The following USP36 variants were observed in gnomAD, a reference collection of about 807,000 sequenced individuals.
The protein encoded by USP36 is ubiquitin specific peptidase 36, also known as ubiquitin carboxyl-terminal hydrolase 36.
USP36 carries 59 observed loss-of-function variants against 111.5 expected under a neutral mutation model. The observed-to-expected ratio is 0.53, with a 90% CI of 0.43 to 0.66. The LOEUF (loss-of-function observed/expected upper bound fraction) is 0.66, where lower values mean the gene tolerates loss of function less well. Ranked by LOEUF, USP36 falls within the 30% of genes least tolerant of loss-of-function variation. USP36 has a pLI of 0.00. For missense variants in USP36, 1,488 were observed against 1,468.0 expected, an observed-to-expected ratio of 1.01 and a Z score of -0.22; for synonymous variants, 628 against 581.0, an observed-to-expected ratio of 1.08 and a Z score of -1.16.
intron 6 of USP36, chr17:78,823,139 T>C (rs1243862627): frequency 1.8e-5 from 7 of 398,662 alleles, no homozygotes; most frequent in Non-Finnish European, 3.1e-5. Context: ...CTCCGGGAGC[T>C]CTGAAATACT....
Position 78,827,339 on chromosome 17 carries a change from G to C in USP36, c.595C>G (p.Arg199Gly), listed in dbSNP as rs1358653011. ...TCCTGGTTCCCAAAGCGGAAGTGTC[G>C]GGCGATCTCTAAAAGAGGAAGAAAC... ...SFIRDLKKIARHFRFGNQEDA... is the reference protein window; with the variant it reads ...SFIRDLKKIAGHFRFGNQEDA... Residue 199 changes from arginine (R) to glycine (G), a missense_variant, in exon 6 of 21, where the codon CGA (arginine) becomes GGA (glycine). Arg to Gly is a moderately radical substitution (Grantham distance 125). Around this residue, in one of 3 missense-constraint regions of USP36, gnomAD observed 196 missense variants for 264.4 expected, o/e 0.74. Transcript: ENST00000449938. 1.9e-6 allele frequency: 3 copies of C among 1,611,716 alleles called. No individual in the cohort carries two copies. Among genetic ancestry groups the C allele is most frequent in the Non-Finnish European group, 1.7e-6 (2 of 1,178,278 alleles).
At chr17:78,838,334 T>TGCACTCCA (rs1567977876) in intron 2 of USP36, among the ~76,000 whole-genome samples, 1 of 138,892 alleles carries the variant, frequency 7.2e-6, no homozygotes, top group Non-Finnish European at 1.5e-5. Context: ...ATCGCGCCAC[T>TGCACTCCA]GCACTCCAGC....
chr17:78,824,896 G>A (rs955639611), intron 6 of USP36, among the ~76,000 whole-genome samples: 1 of 152,098 alleles, frequency 6.6e-6, no homozygotes, highest in African/African-American at 2.4e-5. Flanking sequence ...GCAGAATTCA[G>A]AACAAAAGCC....
rs776815586 is a variant in USP36, at chr17:78,806,992, T to C, written c.2052A>G (p.Pro684=). Residue 684 remains proline, a synonymous_variant, in exon 14 of 21, where the codon CCA becomes CCG. Transcript: ENST00000449938. ...TTEPASTMSP[P]PAKKLALSAK... ...CAGAAAGGGCCAGTTTTTTGGCTGG[T>C]GGAGGAGACATGGTGCTTGCAGGCT... 6.2e-7 allele frequency: 1 copy of C among 1,613,902 alleles called. No individual in the cohort carries two copies. Among genetic ancestry groups the C allele is most frequent in the Non-Finnish European group, 8.5e-7 (1 of 1,179,996 alleles).
intron 1 of USP36, 52 bp from the exon 2 acceptor site, chr17:78,838,802 C>T (rs939150857): frequency 2.0e-5 from 3 of 152,294 alleles, no homozygotes; most frequent in Non-Finnish European, 4.4e-5. Context: ...CCTGTGCCTT[C>T]TCTTCAGCTA....
intron 13 of USP36, among the ~76,000 whole-genome samples, chr17:78,811,435 T>C (rs963898485): frequency 6.6e-6 from 1 of 152,218 alleles, no homozygotes; most frequent in African/African-American, 2.4e-5. Flanking sequence ...TTTGAGTAAA[T>C]TGCAGACATG....
intron 7 of USP36, chr17:78,821,404 ATATATATATATATATATT>A (rs1187991053): frequency 4.8e-5 from 3 of 62,124 alleles, no homozygotes; most frequent in East Asian, 3.7e-4. Context: ...ATATATATAT[ATATATATATATATATATT>A]TTTTTTTTTT....
intron 6 of USP36, among the ~76,000 whole-genome samples, chr17:78,825,678 C>T (rs772772101): frequency 6.6e-6 from 1 of 152,192 alleles, no homozygotes; most frequent in Admixed American, 6.5e-5. Context: ...GAATTTCTTC[C>T]ACCGTAGACT....
At chr17:78,809,539 G>C (rs1055453269) in intron 13 of USP36, among the ~76,000 whole-genome samples, 1 of 152,146 alleles carries the variant, frequency 6.6e-6, no homozygotes, top group Non-Finnish European at 1.5e-5. Context: ...CGCCCCTGCA[G>C]GTGTGCCTGA....
chr17:78,807,527 G>A lies in USP36; in HGVS notation c.1517C>T (p.Pro506Leu), dbSNP rs766262084. The A allele has an allele frequency of 3.1e-6, 5 of 1,613,782 alleles. No individual in the cohort carries two copies. The Admixed American group carries it at 5.0e-5, about 16-fold the overall frequency. Residue 506 changes from proline (P) to leucine (L), a missense_variant, in exon 14 of 21, where the codon CCT (proline) becomes CTT (leucine). Around this residue, in one of 3 missense-constraint regions of USP36, gnomAD observed 1,073 missense variants for 994.1 expected, o/e 1.08. Transcript: ENST00000449938. ...AGGGGACCCCGAGGGCAGCTTTGGA[G>A]GAATGCAGCCGTTCTGGGACTTCAG... ...LGLKSQNGCI[P>L]PKLPSGSPSP...
Position 78,798,813 on chromosome 17 carries a change from T to C in USP36, c.3240+95A>G. ...CCTGGCTCTTCTCATGCTCGGCCGC[T>C]TCATGCCACTGCCGCCACCTCCAAC... On this transcript the variant is annotated intron_variant, in intron 19 of 20. Transcript: ENST00000449938. The surrounding 1 kb of genome is among the most constrained non-coding windows in gnomAD (Gnocchi z 5.1). 1 of 1,472,166 alleles carries C rather than the reference T, an allele frequency of 6.8e-7. No homozygotes were observed. The highest frequency in any genetic ancestry group is 9.4e-7 in the Non-Finnish European group (1 of 1,064,344). The allele number at this position is 1,472,166 out of a possible 1,614,324, so 91.2% of individuals were successfully genotyped here.
intron 18 of USP36, 152 bp downstream of exon 18, chr17:78,799,515 T>C: frequency 2.8e-6 from 2 of 703,918 alleles, no homozygotes; most frequent in African/African-American, 1.8e-5. Flanking sequence ...TAAAGAGGAC[T>C]CCAGCCAGTG....
At chr17:78,810,730 C>T (rs1169490098) in intron 13 of USP36, among the ~76,000 whole-genome samples, 1 of 152,124 alleles carries the variant, frequency 6.6e-6, no homozygotes, top group African/African-American at 2.4e-5. Context: ...ACGTAAATGA[C>T]CAAAACCCCT....
rs189292618 is a variant in USP36, at chr17:78,802,225, C to A, written c.3022+99G>T. On this transcript the variant is annotated intron_variant, in intron 17 of 20. Transcript: ENST00000449938. Reference sequence around the variant, plus strand: ...ACCCCTCGCCCAGTGCACGCCCATGCGGTCCCCCAACCCCTCGCCCGGTGC... The same window carrying A: ...ACCCCTCGCCCAGTGCACGCCCATGAGGTCCCCCAACCCCTCGCCCGGTGC... 1,858 of 1,310,904 alleles carry A rather than the reference C, an allele frequency of 1.4e-3. 25 individuals carry two copies. Among genetic ancestry groups the A allele is most frequent in the African/African-American group, 0.013 (851 of 64,900 alleles). The allele number at this position is 1,310,904 out of a possible 1,614,324, so 81.2% of individuals were successfully genotyped here. A position where few individuals can be genotyped will look rare whatever the true frequency, so the allele number is the denominator to read the frequency against.
intron 14 of USP36, 108 bp from the exon 15 acceptor site, chr17:78,806,394 G>GA: frequency 2.0e-6 from 3 of 1,469,922 alleles, no homozygotes; most frequent in Non-Finnish European, 2.7e-6. Context: ...AAAGAGCCCA[G>GA]AAAAAAAGAT....
intron 12 of USP36, 127 bp from the exon 13 acceptor site, chr17:78,813,128 A>C: frequency 8.4e-7 from 1 of 1,191,646 alleles, no homozygotes; most frequent in African/African-American, 1.5e-5. Context: ...AGTCCTAACC[A>C]CTTCTCTGGA....
intron 5 of USP36, among the ~76,000 whole-genome samples, chr17:78,827,702 A>C (rs1201592553): frequency 1.3e-5 from 2 of 152,292 alleles, no homozygotes; most frequent in East Asian, 3.9e-4. Flanking sequence ...CAGGAGTTCG[A>C]GGGCAGCCTG....
rs957010490 is a variant in USP36 at position 78,817,929 on chromosome 17, T to A, written c.1023+738A>T. Among the ~76,000 whole-genome samples, 14 of 151,850 alleles carry A rather than the reference T, an allele frequency of 9.2e-5. 1 individual carries two copies. Among genetic ancestry groups the A allele is most frequent in the African/African-American group, 2.2e-4 (9 of 41,410 alleles). On this transcript the variant is annotated intron_variant, in intron 10 of 20. Coordinates refer to ENST00000449938, the MANE Select transcript of USP36 (RefSeq NM_001385174.1). Reference sequence around the variant, plus strand: ...GATGCTGTCTCTACAAAAAACTTTTTAAAAAATTAACCAGGCATGGTGGCA... The same window carrying A: ...GATGCTGTCTCTACAAAAAACTTTTAAAAAAATTAACCAGGCATGGTGGCA...
chr17:78,826,438 C>T (rs1289287522), intron 6 of USP36: 4 of 152,226 alleles, frequency 2.6e-5, no homozygotes, highest in Admixed American at 2.6e-4. Context: ...CAGAGCAAGA[C>T]TCCTGTCTCA....
Sources: gnomAD v4.1 joint callset for allele counts (sites outside exome capture counted in the v4.1 genomes callset) on GRCh38, gnomAD v4.1.1 for gene constraint, gnomAD v4.1.1 regional missense constraint, Gnocchi (gnomAD v3.1) non-coding constraint, MANE v1.5 for transcripts, NCBI Gene and HGNC (gene_info 2026-07-23, HGNC 2026-07-21) for gene names.